ABTB3: variants seen among roughly 807,000 people sequenced by gnomAD.
ABTB3 encodes the protein ankyrin repeat- and BTB/POZ domain-containing protein 3.
At chr12:107,483,651 T>C in the ABTB3 span, among the ~76,000 whole-genome samples, 1 of 152,120 alleles carries the variant, frequency 6.6e-6, no homozygotes, top group Non-Finnish European at 1.5e-5. Flanking sequence ...TTTCCAGATG[T>C]AGAGGAGATG....
chr12:107,459,242 G>C, the ABTB3 span, among the ~76,000 whole-genome samples: 1 of 152,204 alleles, frequency 6.6e-6, no homozygotes, highest in Non-Finnish European at 1.5e-5. Flanking sequence ...GCTAGTCAGT[G>C]AGGGATCAGA....
chr12:107,392,889 G>T, the ABTB3 span, among the ~76,000 whole-genome samples: 1 of 152,192 alleles, frequency 6.6e-6, no homozygotes, highest in Non-Finnish European at 1.5e-5. Flanking sequence ...ACCTGGGGAA[G>T]CTCTCCCGCC....
the ABTB3 span, among the ~76,000 whole-genome samples, chr12:107,327,920 T>C: frequency 6.6e-6 from 1 of 152,214 alleles, no homozygotes; most frequent in Non-Finnish European, 1.5e-5. Context: ...CTCTGCCATC[T>C]TGGACGCATA....
At chr12:107,646,313 C>T in the ABTB3 span, among the ~76,000 whole-genome samples, 2 of 152,226 alleles carry the variant, frequency 1.3e-5, no homozygotes, top group Non-Finnish European at 2.9e-5. Flanking sequence ...CCATTAGCCC[C>T]GGGATCTCAG....
chr12:107,651,402 G>A, the ABTB3 span, among the ~76,000 whole-genome samples: 1 of 152,122 alleles, frequency 6.6e-6, no homozygotes, highest in Admixed American at 6.5e-5. Context: ...TAACAATTTT[G>A]GGCATTTTGG....
At chr12:107,406,714 A>T in the ABTB3 span, among the ~76,000 whole-genome samples, 2 of 152,228 alleles carry the variant, frequency 1.3e-5, no homozygotes, top group South Asian at 4.1e-4. Context: ...CCCTGTCTTT[A>T]TGGAGCTTAC....
chr12:107,399,711 G>A, the ABTB3 span, among the ~76,000 whole-genome samples: 2 of 152,140 alleles, frequency 1.3e-5, no homozygotes, highest in Non-Finnish European at 2.9e-5. Context: ...GGCTACATGT[G>A]CAGAATGTGC....
chr12:107,479,957 C>A, the ABTB3 span, among the ~76,000 whole-genome samples: 2 of 152,200 alleles, frequency 1.3e-5, no homozygotes, highest in Middle Eastern at 3.2e-3. Context: ...ATCCCATGTT[C>A]TCAACCACTA....
the ABTB3 span, among the ~76,000 whole-genome samples, chr12:107,639,643 A>C: frequency 6.6e-6 from 1 of 152,212 alleles, no homozygotes; most frequent in Admixed American, 6.5e-5. Context: ...GGCTGAAATG[A>C]CAGGCAAATC....
chr12:107,485,126 T>C, the ABTB3 span, among the ~76,000 whole-genome samples: 1 of 152,162 alleles, frequency 6.6e-6, no homozygotes, highest in Non-Finnish European at 1.5e-5. Flanking sequence ...AAACTGAGCA[T>C]TTTAGGGGTA....
chr12:107,599,893 C>T, the ABTB3 span, among the ~76,000 whole-genome samples: 5 of 152,070 alleles, frequency 3.3e-5, no homozygotes, highest in Non-Finnish European at 5.9e-5. Context: ...GAAATCACAT[C>T]CTATTGGCCT....
the ABTB3 span, among the ~76,000 whole-genome samples, chr12:107,525,324 CAAAAAAAAA>C: frequency 9.9e-3 from 344 of 34,894 alleles, 2 homozygotes; most frequent in African/African-American, 0.026. Flanking sequence ...AAGATCCTGT[CAAAAAAAAA>C]AAAAAAAAAA....
the ABTB3 span, among the ~76,000 whole-genome samples, chr12:107,493,130 G>A: frequency 6.6e-6 from 1 of 152,106 alleles, no homozygotes; most frequent in South Asian, 2.1e-4. Context: ...GGGGAGAAGA[G>A]TAAGTGAAAG....
At chr12:107,584,572 A>G in the ABTB3 span, among the ~76,000 whole-genome samples, 8 of 152,342 alleles carry the variant, frequency 5.3e-5, no homozygotes, top group South Asian at 6.2e-4. Context: ...AGAAAGGGGA[A>G]GGCAGTTTGG....
At chr12:107,591,318 A>T in the ABTB3 span, among the ~76,000 whole-genome samples, 1 of 152,198 alleles carries the variant, frequency 6.6e-6, no homozygotes, top group Non-Finnish European at 1.5e-5. Flanking sequence ...ATTTATGAAG[A>T]AAAGAAGTTT....
the ABTB3 span, among the ~76,000 whole-genome samples, chr12:107,429,127 C>T: frequency 6.6e-6 from 1 of 152,192 alleles, no homozygotes; most frequent in South Asian, 2.1e-4. Flanking sequence ...TGGCTTAACG[C>T]ACAGAAAGTG....
the ABTB3 span, among the ~76,000 whole-genome samples, chr12:107,457,435 C>T: frequency 1.7e-3 from 253 of 152,308 alleles, 2 homozygotes; most frequent in South Asian, 4.2e-3. Flanking sequence ...ATGGCAATTT[C>T]GAAGACATTG....
chr12:107,342,886 A>G, the ABTB3 span, among the ~76,000 whole-genome samples: 1 of 152,150 alleles, frequency 6.6e-6, no homozygotes, highest in East Asian at 1.9e-4. Context: ...GCTGTCTGTA[A>G]TACAGCTTGG....
chr12:107,619,051 C>G, the ABTB3 span, among the ~76,000 whole-genome samples: 2 of 152,194 alleles, frequency 1.3e-5, no homozygotes, highest in East Asian at 3.9e-4. Flanking sequence ...GTGGCCAGAC[C>G]TAGCCATGGG....
Sources: allele counts gnomAD v4.1 joint callset (sites outside exome capture counted in the v4.1 genomes callset), GRCh38; gene constraint gnomAD v4.1.1; transcripts MANE v1.5; gene names NCBI Gene and HGNC (gene_info 2026-07-23, HGNC 2026-07-21).